The following ZNF704 variants were observed in gnomAD, a reference collection of about 807,000 sequenced individuals.
ZNF704 encodes zinc finger protein 704, also known as glucocorticoid induced gene 1.
ZNF704 carries 10 observed loss-of-function variants against 44.7 expected under a neutral mutation model. The ratio of observed to expected loss-of-function variants is 0.22; its 90% CI spans 0.14 to 0.38. ZNF704 has a LOEUF of 0.38. Ranked by LOEUF, ZNF704 falls within the 10% of genes least tolerant of loss-of-function variation. The probability of loss-of-function intolerance (pLI) is 1.00; values close to 1 mark genes in which losing one functional copy is unlikely to be tolerated. For synonymous variants in ZNF704, 211 were observed against 207.6 expected (o/e 1.02, Z -0.14); for missense variants, 390 against 545.5 (o/e 0.71, Z 2.84).
chr8:80,759,563 A>G (rs545851282), intron 2 of ZNF704, among the ~76,000 whole-genome samples: 27 of 152,290 alleles, frequency 1.8e-4, no homozygotes, highest in African/African-American at 5.8e-4. Context: ...GGCTCTGATG[A>G]CGTTGTCATG....
intron 2 of ZNF704, among the ~76,000 whole-genome samples, chr8:80,760,338 G>T (rs1807106380): frequency 6.6e-6 from 1 of 152,120 alleles, no homozygotes; most frequent in Non-Finnish European, 1.5e-5. Flanking sequence ...ATAAGCACCT[G>T]TATTAGTCTG....
intron 2 of ZNF704, among the ~76,000 whole-genome samples, chr8:80,774,747 G>A (rs1807382834): frequency 6.6e-6 from 1 of 152,196 alleles, no homozygotes; most frequent in Non-Finnish European, 1.5e-5. Context: ...ATTTCCTTCT[G>A]TGGTGTTCGG....
chr8:80,772,035 T>C (rs1283000341), intron 2 of ZNF704, among the ~76,000 whole-genome samples: 2 of 152,202 alleles, frequency 1.3e-5, no homozygotes, highest in Non-Finnish European at 2.9e-5. Context: ...CTACAATGAT[T>C]GATCTTCAAA....
chr8:80,763,760 G>A (rs575690784), intron 2 of ZNF704, among the ~76,000 whole-genome samples: 6 of 152,284 alleles, frequency 3.9e-5, no homozygotes, highest in African/African-American at 1.4e-4. Context: ...CACATTGTCA[G>A]GCTGCACATT....
chr8:80,639,543 A>G lies in ZNF704; in HGVS notation c.*1823T>C, dbSNP rs1385221182. On this transcript the variant is annotated 3_prime_UTR_variant, in exon 9 of 9. Coordinates refer to ENST00000327835, the MANE Select transcript of ZNF704 (RefSeq NM_001033723.3). ...GATGAAGCTCTTTTTCTCTTCTCTT[A>G]AAATAAATGTTTTTAAAGAAAAAAA... is the stretch of plus-strand genomic sequence containing the variant. 6.6e-6 allele frequency: 1 copy of G among 152,234 alleles called. No homozygotes were observed. Among genetic ancestry groups the G allele is most frequent in the East Asian group, 1.9e-4 (1 of 5,206 alleles). The allele number at this position is 152,234 out of a possible 1,614,324, so 9.4% of individuals were successfully genotyped here.
At chr8:80,706,414 CT>C (rs1189465710) in intron 2 of ZNF704, among the ~76,000 whole-genome samples, 1 of 152,114 alleles carries the variant, frequency 6.6e-6, no homozygotes, top group Non-Finnish European at 1.5e-5. Context: ...TGCTGCTTCT[CT>C]TACCTGAAAT....
chr8:80,733,834 A>G (rs936767502), intron 2 of ZNF704, among the ~76,000 whole-genome samples: 2 of 152,120 alleles, frequency 1.3e-5, no homozygotes, highest in Admixed American at 1.3e-4. Context: ...TCCTTTTAGT[A>G]TATTTTGTCC....
At chr8:80,855,013 TACAA>T (rs1179646117) in intron 1 of ZNF704, among the ~76,000 whole-genome samples, 1 of 152,212 alleles carries the variant, frequency 6.6e-6, no homozygotes, top group African/African-American at 2.4e-5. Context: ...TCCTTTGAGT[TACAA>T]ACAATCCATA....
intron 2 of ZNF704, among the ~76,000 whole-genome samples, chr8:80,695,303 C>T (rs565212194): frequency 5.8e-4 from 89 of 152,334 alleles, no homozygotes; most frequent in African/African-American, 1.9e-3. Context: ...CAGGATCACC[C>T]AGAGTGGGGC....
At chr8:80,724,084 G>A (rs1256790664) in intron 2 of ZNF704, among the ~76,000 whole-genome samples, 1 of 152,152 alleles carries the variant, frequency 6.6e-6, no homozygotes, top group East Asian at 1.9e-4. Context: ...ATTCTTAGAT[G>A]GGATTACTTT....
intron 3 of ZNF704, among the ~76,000 whole-genome samples, chr8:80,689,011 A>C (rs888606115): frequency 1.3e-5 from 2 of 151,534 alleles, no homozygotes; most frequent in South Asian, 2.1e-4. Flanking sequence ...ATCACTGAAG[A>C]TTTGCTTTAC....
At chr8:80,879,187 A>G (rs199821670), upstream of ZNF704, among the ~76,000 whole-genome samples, 3 of 152,160 alleles carry the variant, frequency 2.0e-5, no homozygotes, top group East Asian at 5.8e-4. Context: ...CCAAATACCC[A>G]TTATTAAAAT....
chr8:80,766,052 CCTT>C (rs1211659990), intron 2 of ZNF704, among the ~76,000 whole-genome samples: 1 of 152,088 alleles, frequency 6.6e-6, no homozygotes, highest in Admixed American at 6.6e-5. Context: ...AATTACTACT[CCTT>C]CTCTTGTTTT....
At chr8:80,688,560 T>G (rs758530108) in intron 3 of ZNF704, among the ~76,000 whole-genome samples, 15 of 152,190 alleles carry the variant, frequency 9.9e-5, no homozygotes, top group South Asian at 4.1e-4. Context: ...AGGAAGAGGT[T>G]GGACCTATTT....
intron 7 of ZNF704, among the ~76,000 whole-genome samples, chr8:80,643,516 C>CAAAAAAAA: frequency 4.3e-5 from 1 of 23,386 alleles, no homozygotes; most frequent in Non-Finnish European, 1.0e-4. Flanking sequence ...GATCCTGTCT[C>CAAAAAAAA]AAAAAAAAAA....
At chr8:80,784,609 G>T (rs1300455239) in intron 2 of ZNF704, among the ~76,000 whole-genome samples, 2 of 152,018 alleles carry the variant, frequency 1.3e-5, no homozygotes, top group African/African-American at 4.8e-5. Context: ...TAATTGGGTT[G>T]TTTTTTTATT....
intron 1 of ZNF704, among the ~76,000 whole-genome samples, chr8:80,839,854 G>T (rs1188445553): frequency 6.6e-6 from 1 of 152,042 alleles, no homozygotes; most frequent in Non-Finnish European, 1.5e-5. Context: ...GAGAGAGAGA[G>T]AGAGTAAATG....
chr8:80,771,990 G>A (rs1026487238), intron 2 of ZNF704, among the ~76,000 whole-genome samples: 2 of 152,146 alleles, frequency 1.3e-5, no homozygotes, highest in Non-Finnish European at 2.9e-5. Context: ...ATAGGCTCAC[G>A]ACTGATTGAC....
chr8:80,789,936 G>T (rs1807675951), intron 2 of ZNF704, among the ~76,000 whole-genome samples: 1 of 152,254 alleles, frequency 6.6e-6, no homozygotes, highest in African/African-American at 2.4e-5. Context: ...AAGGATATTT[G>T]TACGTTAAAA....
Sources: gnomAD v4.1 joint callset for allele counts (sites outside exome capture counted in the v4.1 genomes callset) on GRCh38, gnomAD v4.1.1 for gene constraint, MANE v1.5 for transcripts, NCBI Gene and HGNC (gene_info 2026-07-23, HGNC 2026-07-21) for gene names.